The following PPFIA2 variants were observed in gnomAD, a reference collection of about 807,000 sequenced individuals.
PPFIA2 encodes PPFI scaffold protein A2.
PPFIA2 carries 46 observed loss-of-function variants against 175.5 expected under a neutral mutation model. The ratio of observed to expected loss-of-function variants is 0.26; its 90% CI spans 0.21 to 0.34. PPFIA2 has a LOEUF of 0.34. PPFIA2 is among the 10% of genes least tolerant of loss of function. The pLI is 1.00. For synonymous variants in PPFIA2, 568 were observed against 511.4 expected (o/e 1.11, Z -1.49); for missense variants, 1,179 against 1,506.1 (o/e 0.78, Z 3.60).
intron 4 of PPFIA2, among the ~76,000 whole-genome samples, chr12:81,634,425 CTGGCCTT>C (rs1425402846): frequency 6.6e-6 from 1 of 152,004 alleles, no homozygotes; most frequent in African/African-American, 2.4e-5. Flanking sequence ...GAGCACGTTT[CTGGCCTT>C]TGGTTGAACT....
intron 3 of PPFIA2, among the ~76,000 whole-genome samples, chr12:81,687,048 T>A (rs1022790277): frequency 6.6e-6 from 1 of 151,992 alleles, no homozygotes; most frequent in African/African-American, 2.4e-5. Context: ...CCTACCTGAA[T>A]TCGGCTGCAT....
chr12:81,724,968 T>A (rs2079860842), intron 3 of PPFIA2, among the ~76,000 whole-genome samples: 1 of 151,090 alleles, frequency 6.6e-6, no homozygotes, highest in Admixed American at 6.6e-5. Context: ...AGGTCCTTTT[T>A]CTCCACACCC....
At chr12:81,572,906 A>G (rs2072829960) in intron 4 of PPFIA2, among the ~76,000 whole-genome samples, 2 of 151,958 alleles carry the variant, frequency 1.3e-5, no homozygotes, top group African/African-American at 4.8e-5. Flanking sequence ...ATCAACTTGA[A>G]GGAGCTTTCA....
At chr12:81,531,929 T>A (rs1397093922) in intron 4 of PPFIA2, among the ~76,000 whole-genome samples, 1 of 151,754 alleles carries the variant, frequency 6.6e-6, no homozygotes, top group Non-Finnish European at 1.5e-5. Context: ...GTGGAAATAA[T>A]TTTGAATTAA....
intron 4 of PPFIA2, among the ~76,000 whole-genome samples, chr12:81,500,864 G>T (rs1016822640): frequency 6.6e-6 from 1 of 152,132 alleles, no homozygotes; most frequent in Admixed American, 6.6e-5. Flanking sequence ...GCTTCTCTTT[G>T]TAAATAGACT....
intron 3 of PPFIA2, among the ~76,000 whole-genome samples, chr12:81,728,728 G>A (rs1174325689): frequency 6.6e-6 from 1 of 151,328 alleles, no homozygotes; most frequent in African/African-American, 2.4e-5. Flanking sequence ...AGATTTCCTT[G>A]CCATTAAAAC....
intron 4 of PPFIA2, among the ~76,000 whole-genome samples, chr12:81,662,164 T>G (rs1279079455): frequency 1.3e-5 from 2 of 151,832 alleles, no homozygotes; most frequent in Non-Finnish European, 2.9e-5. Context: ...GCAAACACAT[T>G]CAAAAGCTAG....
intron 7 of PPFIA2, among the ~76,000 whole-genome samples, chr12:81,415,177 TAAAAAAAAAAAAAAAAAAAA>T (rs1165680008): frequency 1.5e-3 from 23 of 15,332 alleles, no homozygotes; most frequent in African/African-American, 4.9e-3. Flanking sequence ...TTGGTTCAGG[TAAAAAAAAAAAAAAAAAAAA>T]AAAAAAAAAA....
At chr12:81,319,889 T>A (rs2053275969) in intron 22 of PPFIA2, among the ~76,000 whole-genome samples, 1 of 151,954 alleles carries the variant, frequency 6.6e-6, no homozygotes, top group African/African-American at 2.4e-5. Context: ...TCTTTTTGCT[T>A]TATCTACCCA....
intron 7 of PPFIA2, among the ~76,000 whole-genome samples, chr12:81,439,406 T>A (rs1359505549): frequency 1.3e-5 from 2 of 151,982 alleles, no homozygotes; most frequent in East Asian, 3.9e-4. Context: ...TTATCCAAGA[T>A]AATTTGTGCG....
intron 4 of PPFIA2, among the ~76,000 whole-genome samples, chr12:81,479,472 G>A (rs547014004): frequency 6.6e-6 from 1 of 152,266 alleles, no homozygotes; most frequent in East Asian, 1.9e-4. Context: ...TCATTATGAT[G>A]CTAGCTGGTT....
chr12:81,712,752 A>C (rs1044153357), intron 3 of PPFIA2, among the ~76,000 whole-genome samples: 4 of 148,718 alleles, frequency 2.7e-5, no homozygotes, highest in African/African-American at 7.4e-5. Context: ...GTGGGACATC[A>C]CTTTTTTTTT....
intron 8 of PPFIA2, among the ~76,000 whole-genome samples, chr12:81,385,118 A>G (rs578092051): frequency 6.6e-6 from 1 of 152,272 alleles, no homozygotes; most frequent in African/African-American, 2.4e-5. Flanking sequence ...CTCAATACCA[A>G]CAACGCATCA....
chr12:81,522,552 T>G (rs2063279506), intron 4 of PPFIA2, among the ~76,000 whole-genome samples: 1 of 152,194 alleles, frequency 6.6e-6, no homozygotes, highest in African/African-American at 2.4e-5. Context: ...ACACATGCTT[T>G]CTGTCATCAG....
At chr12:81,436,331 T>TAAAAAAAAAAA (rs2049017707) in intron 7 of PPFIA2, among the ~76,000 whole-genome samples, 1 of 70,178 alleles carries the variant, frequency 1.4e-5, no homozygotes, top group Admixed American at 1.8e-4. Context: ...AAAAAAAAAG[T>TAAAAAAAAAAA]TAAATCTGAT....
chr12:81,758,800 G>C (rs2085081193), intron 1 of PPFIA2: 1 of 159,224 alleles, frequency 6.3e-6, no homozygotes, highest in Non-Finnish European at 1.4e-5. Flanking sequence ...CCCCGGGGCG[G>C]AGACCGGAGA....
intron 22 of PPFIA2, among the ~76,000 whole-genome samples, chr12:81,323,774 GA>G (rs1408827246): frequency 3.9e-5 from 6 of 152,020 alleles, no homozygotes; most frequent in African/African-American, 1.4e-4. Context: ...TGGTAATCCA[GA>G]AATCAAGCCA....
At chr12:81,489,596 AAATAAATCT>A (rs2059210557) in intron 4 of PPFIA2, among the ~76,000 whole-genome samples, 1 of 151,906 alleles carries the variant, frequency 6.6e-6, no homozygotes, top group South Asian at 2.1e-4. Context: ...AGAAAAGAAA[AAATAAATCT>A]ATCTTTGAGA....
chr12:81,314,334 C>A (rs939395980), intron 22 of PPFIA2, among the ~76,000 whole-genome samples: 1 of 151,654 alleles, frequency 6.6e-6, no homozygotes, highest in Admixed American at 6.6e-5. Context: ...TAGCATATAG[C>A]CTCATTATTT....
Sources: allele counts gnomAD v4.1 joint callset (sites outside exome capture counted in the v4.1 genomes callset), GRCh38; gene constraint gnomAD v4.1.1; transcripts MANE v1.5; gene names NCBI Gene and HGNC (gene_info 2026-07-23, HGNC 2026-07-21).